The following BABAM2 variants were observed in gnomAD, a reference collection of about 807,000 sequenced individuals.
The protein encoded by BABAM2 is BRISC and BRCA1 A complex member 2, also known as BRISC and BRCA1-A complex member 2.
In BABAM2, 31 loss-of-function variants were observed where a neutral mutation model predicts 54.7. The ratio of observed to expected loss-of-function variants is 0.57; its 90% CI spans 0.43 to 0.77. The LOEUF is 0.77. Ranked by LOEUF, BABAM2 falls within the 30% of genes least tolerant of loss-of-function variation. The pLI is 0.00. For missense variants in BABAM2, 364 were observed against 455.8 expected (o/e 0.80, Z 1.83); for synonymous variants, 167 against 162.9 (o/e 1.03, Z -0.19).
intron 3 of BABAM2, among the ~76,000 whole-genome samples, chr2:27,980,802 G>C (rs1199571675): frequency 6.6e-6 from 1 of 151,708 alleles, no homozygotes; most frequent in Non-Finnish European, 1.5e-5. Context: ...TGAAAAATCA[G>C]CTGTAGAAGT....
At chr2:28,211,788 C>T (rs1167760779) in intron 7 of BABAM2, among the ~76,000 whole-genome samples, 1 of 151,996 alleles carries the variant, frequency 6.6e-6, no homozygotes, top group Non-Finnish European at 1.5e-5. Context: ...TTAAAAGATT[C>T]CCATATGTCT....
chr2:28,119,568 C>T (rs1286774767), intron 6 of BABAM2, among the ~76,000 whole-genome samples: 2 of 152,112 alleles, frequency 1.3e-5, no homozygotes, highest in Non-Finnish European at 2.9e-5. Flanking sequence ...CCAGGATTTT[C>T]CTCCCTAAAG....
chr2:28,255,161 C>A (rs762610542), intron 10 of BABAM2, among the ~76,000 whole-genome samples: 4 of 152,052 alleles, frequency 2.6e-5, no homozygotes, highest in Non-Finnish European at 4.4e-5. Context: ...TTTTTTTTAG[C>A]ACTTGCTTTG....
intron 5 of BABAM2, among the ~76,000 whole-genome samples, chr2:28,033,654 A>G (rs975737249): frequency 6.6e-6 from 1 of 152,204 alleles, no homozygotes; most frequent in Non-Finnish European, 1.5e-5. Context: ...AAATTTCAGC[A>G]TGAGTTTTGG....
intron 7 of BABAM2, among the ~76,000 whole-genome samples, chr2:28,142,700 T>A (rs1357838844): frequency 6.6e-6 from 1 of 152,204 alleles, no homozygotes; most frequent in Non-Finnish European, 1.5e-5. Context: ...TTTCATTTCC[T>A]CCTCTGACCT....
chr2:28,139,391 A>C, intron 7 of BABAM2, among the ~76,000 whole-genome samples: 1 of 151,070 alleles, frequency 6.6e-6, no homozygotes. Context: ...CAACATGGTG[A>C]AACCCTGCCT....
In BABAM2 at chr2:28,219,768, A is replaced by G. The variant is rs924102205; in HGVS notation, c.681-17434A>G. On this transcript the variant is annotated intron_variant, in intron 7 of 11. Transcript: ENST00000379624. ...GTAATCAAGAGTGGGGGCTGAAGAGATGATGTTGTCGTAACAGAGCCTCAA... is the reference window on the plus strand; with the variant it reads ...GTAATCAAGAGTGGGGGCTGAAGAGGTGATGTTGTCGTAACAGAGCCTCAA... 2.6e-5 allele frequency among the ~76,000 whole-genome samples: 4 copies of G among 152,238 alleles called. No homozygotes were observed. In the East Asian group the frequency reaches 7.7e-4, roughly 29 times the overall value.
chr2:28,234,787 C>A (rs1681746578), intron 7 of BABAM2, among the ~76,000 whole-genome samples: 1 of 152,134 alleles, frequency 6.6e-6, no homozygotes, highest in Non-Finnish European at 1.5e-5. Context: ...ATCATTAGAA[C>A]CTTCTGGTTA....
chr2:27,892,834 G>A (rs75655580), intron 1 of BABAM2, among the ~76,000 whole-genome samples: 1,810 of 152,170 alleles, frequency 0.012, 31 homozygotes, highest in African/African-American at 0.041. Flanking sequence ...TCTGTTAAGC[G>A]GTCAGAAGAA....
At chr2:28,231,895 A>G (rs1185952578) in intron 7 of BABAM2, among the ~76,000 whole-genome samples, 1 of 138,372 alleles carries the variant, frequency 7.2e-6, no homozygotes, top group Non-Finnish European at 1.5e-5. Context: ...GTAACCTCCA[A>G]CTCCTGGCCT....
chr2:27,899,001 T>A (rs550302718), intron 2 of BABAM2, among the ~76,000 whole-genome samples: 39 of 150,684 alleles, frequency 2.6e-4, no homozygotes, highest in African/African-American at 8.8e-4. Context: ...CAGTGGTACA[T>A]GCTTGTAGTC....
rs751782457 is a variant in BABAM2 at position 28,315,421 on chromosome 2, T to TTTTCTTTTCTTTTCTTTTC, written c.1088+16933_1088+16934insCTTTTCTTTTCTTTTCTTT. ...GGTATTTCTTTGTGTGTGTGGTTCTTTTTTCTTTTCTTTTCTTTTCTTTTC... is the reference window on the plus strand; with the variant it reads ...GGTATTTCTTTGTGTGTGTGGTTCTTTTTCTTTTCTTTTCTTTTCTTTTCTTTTCTTTTCTTTTCTTTTC... On this transcript the variant is annotated intron_variant, in intron 11 of 11. Transcript: ENST00000379624. Among the ~76,000 whole-genome samples, 24 of 110,194 alleles carry TTTTCTTTTCTTTTCTTTTC rather than the reference T, an allele frequency of 2.2e-4. No individual in the cohort carries two copies. The South Asian group carries it at 2.3e-3, about 11-fold the overall frequency. 72.3% of individuals were successfully genotyped at this position (110,194 alleles called of 152,430 possible).
intron 3 of BABAM2, among the ~76,000 whole-genome samples, chr2:27,947,802 A>G (rs1669410520): frequency 1.3e-5 from 2 of 152,174 alleles, no homozygotes; most frequent in Admixed American, 6.5e-5. Flanking sequence ...AGGTTTTTAA[A>G]AAGTATGGAC....
intron 4 of BABAM2, among the ~76,000 whole-genome samples, chr2:28,001,925 T>C (rs1347597276): frequency 6.6e-6 from 1 of 151,940 alleles, no homozygotes; most frequent in Non-Finnish European, 1.5e-5. Context: ...AGGGGACAAA[T>C]GTCCAAACTG....
chr2:27,931,684 A>G (rs947002023), intron 3 of BABAM2, among the ~76,000 whole-genome samples: 3 of 152,132 alleles, frequency 2.0e-5, no homozygotes, highest in Non-Finnish European at 4.4e-5. Flanking sequence ...ATTCTTAGTA[A>G]GTACCTGGTA....
chr2:28,042,432 C>T (rs1304612825), intron 5 of BABAM2, among the ~76,000 whole-genome samples: 1 of 152,086 alleles, frequency 6.6e-6, no homozygotes, highest in Non-Finnish European at 1.5e-5. Context: ...GAGGGAGAGC[C>T]AGTGAAGTAG....
Position 27,990,333 on chromosome 2 carries a change from G to A in BABAM2, c.300+2246G>A, listed in dbSNP as rs1238930647. Among the ~76,000 whole-genome samples, 11 of 152,342 alleles carry A rather than the reference G, an allele frequency of 7.2e-5. No individual in the cohort carries two copies. The East Asian group carries it at 1.9e-3, about 27-fold the overall frequency. On this transcript the variant is annotated intron_variant, in intron 4 of 11. Transcript: ENST00000379624. The stretch of plus-strand genomic sequence containing the variant: ...TGATCCCCAGCAGACATTTCTCTGA[G>A]TGTAGCTTGTCTCTGAAAGATTTTT...
chr2:28,181,794 T>TAA (rs1349037134), intron 7 of BABAM2, among the ~76,000 whole-genome samples: 7 of 149,576 alleles, frequency 4.7e-5, no homozygotes, highest in East Asian at 1.9e-4. Context: ...ATTTTTTTTT[T>TAA]AAAAAAAAAA....
At chr2:28,259,687 A>G (rs962845489) in intron 10 of BABAM2, among the ~76,000 whole-genome samples, 2 of 152,140 alleles carry the variant, frequency 1.3e-5, no homozygotes, top group Non-Finnish European at 2.9e-5. Context: ...TAATTTTAAA[A>G]ATGTTTTCTT....
Sources: allele counts gnomAD v4.1 joint callset (sites outside exome capture counted in the v4.1 genomes callset), GRCh38; gene constraint gnomAD v4.1.1; transcripts MANE v1.5; gene names NCBI Gene and HGNC (gene_info 2026-07-23, HGNC 2026-07-21).